ASAH2: variants seen among roughly 807,000 people sequenced by gnomAD.
ASAH2 encodes the protein N-acylsphingosine amidohydrolase 2, also known as neutral ceramidase.
ASAH2 carries 58 observed loss-of-function variants against 82.9 expected under a neutral mutation model. The observed-to-expected ratio is 0.70, with a 90% confidence interval of 0.57 to 0.87. ASAH2 has a LOEUF of 0.87. Ranked by LOEUF, ASAH2 falls within the 40% of genes least tolerant of loss-of-function variation. ASAH2 has a pLI of 0.00. For missense variants in ASAH2, 779 were observed against 834.0 expected (o/e 0.93, Z 0.81); for synonymous variants, 276 against 289.7 (o/e 0.95, Z 0.48).
At chr10:50,245,143 A>T in intron 3 of ASAH2, 79 bp downstream of exon 3, 1 of 1,184,044 alleles carries the variant, frequency 8.4e-7, no homozygotes, top group Non-Finnish European at 1.2e-6. Flanking sequence ...ATGTTGTAAT[A>T]ATCAGAAATG....
At chr10:50,233,114 T>C in intron 7 of ASAH2, 70 bp downstream of exon 7, 2 of 1,145,254 alleles carry the variant, frequency 1.7e-6, no homozygotes, top group Non-Finnish European at 2.7e-6. Flanking sequence ...ACTATTCTAG[T>C]CTCTTTTCCC....
At chr10:50,200,102 T>C (rs1412357920) in intron 16 of ASAH2, among the ~76,000 whole-genome samples, 10 of 151,942 alleles carry the variant, frequency 6.6e-5, no homozygotes, top group African/African-American at 2.2e-4. Context: ...GTGTGCATGT[T>C]CATGTCTTGC....
intron 12 of ASAH2, 116 bp downstream of exon 12, chr10:50,210,704 CCAG>C (rs1845429507): frequency 6.2e-6 from 6 of 968,846 alleles, no homozygotes. Context: ...ACCTGGAAAA[CCAG>C]CAGACCCTGA....
At chr10:50,229,893 A>G (rs1008771777) in intron 7 of ASAH2, among the ~76,000 whole-genome samples, 15 of 152,248 alleles carry the variant, frequency 9.9e-5, no homozygotes, top group East Asian at 7.7e-4. Flanking sequence ...ACTGAGCCCA[A>G]TTATAATTTT....
At position 50,214,726 on chromosome 10, in the gene ASAH2, G is replaced by C; in HGVS notation, c.1140+17C>G. Reference sequence around the variant, plus strand: ...TGAGATGCAAAAACAAAGATTTCATGTGTCATAATTACCTACCCCACCAAT... The same window carrying C: ...TGAGATGCAAAAACAAAGATTTCATCTGTCATAATTACCTACCCCACCAAT... On this transcript the variant is annotated intron_variant, in intron 9 of 20. Transcript: ENST00000682911. 1 of 1,613,280 alleles carries C rather than the reference G, an allele frequency of 6.2e-7. No homozygotes were observed. Among genetic ancestry groups the C allele is most frequent in the Middle Eastern group, 1.7e-4 (1 of 6,052 alleles).
chr10:50,223,066 G>A (rs1845787926), intron 7 of ASAH2, among the ~76,000 whole-genome samples: 1 of 152,140 alleles, frequency 6.6e-6, no homozygotes, highest in Non-Finnish European at 1.5e-5. Flanking sequence ...AGAAAGTCAA[G>A]AGATTGGGGA....
Position 50,204,965 on chromosome 10 carries a change from CAA to C in ASAH2, c.1531-12_1531-11del, listed in dbSNP as rs1845257624. ...GGTGAGGTTTTGATAGCTGAGAACC[CAA>C]AACAAGAAAATTATGTTAGGGATAA... On this transcript the variant is annotated splice_polypyrimidine_tract_variant and intron_variant, in intron 13 of 20. Coordinates refer to ENST00000682911, the MANE Select transcript of ASAH2 (RefSeq NM_019893.4). 1.9e-6 allele frequency: 3 copies of C among 1,585,228 alleles called. No individual in the cohort carries two copies. The Admixed American group carries it at 5.3e-5, about 28-fold the overall frequency.
At chr10:50,194,257 C>A (rs1214698375) in intron 18 of ASAH2, among the ~76,000 whole-genome samples, 1 of 151,268 alleles carries the variant, frequency 6.6e-6, no homozygotes, top group Non-Finnish European at 1.5e-5. Context: ...GAAAACTCTA[C>A]AATATATCAG....
chr10:50,235,993 G>A lies in ASAH2; in HGVS notation c.582C>T (p.His194=), dbSNP rs1846149862. 11 of 1,613,242 alleles carry A rather than the reference G, an allele frequency of 6.8e-6. No individual in the cohort carries two copies. The highest frequency in any genetic ancestry group is 5.5e-5 in the South Asian group (5 of 91,070). ...RRDNVILSGT[H]THSGPAGYFQ... ...AATATCCTGCAGGACCTGAATGAGTGTGAGTGCCACTCAGGATGACATTAT... is the reference window on the plus strand; with the variant it reads ...AATATCCTGCAGGACCTGAATGAGTATGAGTGCCACTCAGGATGACATTAT... The change falls in exon 5 of 21, where the codon CAC becomes CAT. Residue 194 remains histidine (H), a synonymous_variant. Coordinates refer to ENST00000682911, the MANE Select transcript of ASAH2 (RefSeq NM_019893.4).
chr10:50,217,607 C>G lies in ASAH2; in HGVS notation c.1014+903G>C, dbSNP rs537032186. On this transcript the variant is annotated intron_variant, in intron 8 of 20. Coordinates refer to ENST00000682911, the MANE Select transcript of ASAH2 (RefSeq NM_019893.4). ...ATTTTATTGGTAATAGCATGAGGCC[C>G]TCACCAGATGGAGTTGTTCAGTCTT... is the stretch of plus-strand genomic sequence containing the variant. Among the ~76,000 whole-genome samples, 7 of 152,250 alleles carry G rather than the reference C, an allele frequency of 4.6e-5. No homozygotes were observed. In the South Asian group the frequency reaches 1.2e-3, roughly 27 times the overall value.
Position 50,212,974 on chromosome 10 carries a change from T to G in ASAH2, c.1225A>C (p.Lys409Gln). 6.2e-7 allele frequency: 1 copy of G among 1,613,544 alleles called. No individual in the cohort carries two copies. Residue 409 changes from lysine (K) to glutamine (Q), a missense_variant and splice_region_variant, in exon 10 of 21, where the codon AAG (lysine) becomes CAG (glutamine). Physicochemically the swap from Lys to Gln is moderately conservative, Grantham distance 53. Coordinates refer to ENST00000682911, the MANE Select transcript of ASAH2 (RefSeq NM_019893.4). The stretch of plus-strand genomic sequence containing the variant: ...AAGGAGCGAGGCCCATGGCTTACCT[T>G]TGCTCTCTGATACATGGCCCGTCCT... ...IIGRAMYQRA[K>Q]ELYASASQEV...
At position 50,199,079 on chromosome 10, in the gene ASAH2, A is replaced by G. The variant is rs1845069045; in HGVS notation, c.1829T>C (p.Phe610Ser). 5 of 1,613,358 alleles carry G rather than the reference A, an allele frequency of 3.1e-6. No individual in the cohort carries two copies. The highest frequency in any genetic ancestry group is 3.4e-6 in the Non-Finnish European group (4 of 1,179,518). Residue 610 changes from phenylalanine to serine, a missense_variant, in exon 17 of 21, where the codon TTC (phenylalanine) becomes TCC (serine). This residue lies in a region of ASAH2 where 759 missense variants were observed against 755.2 expected (regional missense o/e 1.00). Transcript: ENST00000682911. ...AGCAATAGCCTTAGCAAGGTTTCTGAAGAGCTGAATGTAAGCAGATAATGT... is the reference window on the plus strand; with the variant it reads ...AGCAATAGCCTTAGCAAGGTTTCTGGAGAGCTGAATGTAAGCAGATAATGT... ...PHTLSAYIQL[F>S]RNLAKAIATD...
At chr10:50,244,749 G>A (rs1310941433) in intron 3 of ASAH2, among the ~76,000 whole-genome samples, 1 of 152,086 alleles carries the variant, frequency 6.6e-6, no homozygotes, top group Non-Finnish European at 1.5e-5. Context: ...GGATTTGGGG[G>A]CTTCTTTTAA....
chr10:50,204,926 G>A lies in ASAH2; in HGVS notation c.1560C>T (p.Asp520=), dbSNP rs912487092. ...GGGTAATAATCTGAACATCAACAAT[G>A]TCTGGATGCCAGGGGTGAGGTTTTG... ...ELSKPHPWHP[D]IVDVQIITLG... Residue 520 remains aspartate, a synonymous_variant, in exon 14 of 21, where the codon GAC becomes GAT. Coordinates refer to ENST00000682911, the MANE Select transcript of ASAH2 (RefSeq NM_019893.4). The A allele has an allele frequency of 6.8e-6, 11 of 1,611,214 alleles. No homozygotes were observed. Among genetic ancestry groups the A allele is most frequent in the Middle Eastern group, 3.3e-4 (2 of 6,052 alleles).
intron 7 of ASAH2, among the ~76,000 whole-genome samples, chr10:50,222,164 C>T (rs970329635): frequency 6.6e-5 from 10 of 152,098 alleles, no homozygotes; most frequent in Admixed American, 1.3e-4. Flanking sequence ...TGTGAAGGAT[C>T]GTAAAGAGGA....
chr10:50,199,089 T>G lies in ASAH2; in HGVS notation c.1819A>C (p.Ile607Leu). 6.2e-7 allele frequency: 1 copy of G among 1,613,358 alleles called. No individual in the cohort carries two copies. Among genetic ancestry groups the G allele is most frequent in the Non-Finnish European group, 8.5e-7 (1 of 1,179,526 alleles). Residue 607 changes from isoleucine to leucine, a missense_variant, in exon 17 of 21, where the codon ATT becomes CTT. Around this residue, in one of 3 missense-constraint regions of ASAH2, gnomAD observed 759 missense variants for 755.2 expected, o/e 1.00. Transcript: ENST00000682911. ...IYGPHTLSAY[I>L]QLFRNLAKAI... The stretch of plus-strand genomic sequence containing the variant: ...TTAGCAAGGTTTCTGAAGAGCTGAA[T>G]GTAAGCAGATAATGTGTGCGGTCCA...
rs1422545973 is a variant in ASAH2 at position 50,227,995 on chromosome 10, G to C, written c.893+5189C>G. Among the ~76,000 whole-genome samples the C allele has an allele frequency of 2.0e-5, 3 of 152,222 alleles. No individual in the cohort carries two copies. The South Asian group carries it at 6.2e-4, about 32-fold the overall frequency. On this transcript the variant is annotated intron_variant, in intron 7 of 20. Transcript: ENST00000682911. ...GCATCAAGCTTCACAACATGGAGCGGAACAAGAAAAAGAGGTTCAGTGAAA... is the reference window on the plus strand; with the variant it reads ...GCATCAAGCTTCACAACATGGAGCGCAACAAGAAAAAGAGGTTCAGTGAAA...
intron 4 of ASAH2, chr10:50,240,397 C>T (rs1564850329): frequency 2.9e-6 from 2 of 700,518 alleles, no homozygotes; most frequent in Non-Finnish European, 5.2e-6. Flanking sequence ...AATAAAGCCT[C>T]AGTATCTCTT....
chr10:50,245,027 C>G (rs1276975048), intron 3 of ASAH2, among the ~76,000 whole-genome samples, 195 bp downstream of exon 3: 1 of 151,574 alleles, frequency 6.6e-6, no homozygotes, highest in Admixed American at 6.6e-5. Flanking sequence ...ATGGATTTTA[C>G]AGGGGAGTTG....
Sources: gnomAD v4.1 joint callset for allele counts (sites outside exome capture counted in the v4.1 genomes callset) on GRCh38, gnomAD v4.1.1 for gene constraint, gnomAD v4.1.1 regional missense constraint, MANE v1.5 for transcripts, NCBI Gene and HGNC (gene_info 2026-07-23, HGNC 2026-07-21) for gene names.